The following IFT80 variants were observed in gnomAD, a reference collection of about 807,000 sequenced individuals.
IFT80 encodes the protein intraflagellar transport 80.
IFT80 carries 79 observed loss-of-function variants against 107.9 expected under a neutral mutation model. The observed-to-expected ratio is 0.73, with a 90% CI of 0.61 to 0.88. IFT80 has a LOEUF of 0.88. IFT80 is among the 40% of genes least tolerant of loss of function. The pLI is 0.00. For synonymous variants in IFT80, 299 were observed against 300.9 expected (o/e 0.99, Z 0.07); for missense variants, 797 against 914.2 (o/e 0.87, Z 1.65).
At chr3:160,268,227 C>A (rs1407041716) in intron 19 of IFT80, among the ~76,000 whole-genome samples, 186 bp downstream of exon 19, 2 of 151,992 alleles carry the variant, frequency 1.3e-5, no homozygotes, top group Non-Finnish European at 1.5e-5. Flanking sequence ...AATATGCCTG[C>A]AAGATTCCAG....
chr3:160,303,799 A>G, intron 11 of IFT80, 116 bp downstream of exon 11: 3 of 670,446 alleles, frequency 4.5e-6, no homozygotes, highest in Non-Finnish European at 8.1e-6. Context: ...TAAAATAGAA[A>G]CAGATTGGTT....
intron 8 of IFT80, among the ~76,000 whole-genome samples, chr3:160,347,588 C>T (rs1230501212): frequency 6.6e-6 from 1 of 152,164 alleles, no homozygotes; most frequent in East Asian, 1.9e-4. Flanking sequence ...TATCCAACAA[C>T]AATGGGTATA....
rs1053318521 is a variant in IFT80 at position 160,356,061 on chromosome 3, T to A, written c.729A>T (p.Leu243Phe). Residue 243 changes from leucine (L) to phenylalanine (F), a missense_variant, in exon 8 of 20, where the codon TTA becomes TTT. Leu to Phe is a conservative substitution (Grantham distance 22, BLOSUM62 0). Coordinates refer to ENST00000326448, the MANE Select transcript of IFT80 (RefSeq NM_020800.3). ...AAGTATGAAACGATCCAACAGCAAA[T>A]AATTCTCCATCTGGAGCCCAGGCAA... Reference protein sequence around the residue: ...TSVAWAPDGELFAVGSFHTLR... With the variant: ...TSVAWAPDGEFFAVGSFHTLR... 5.6e-6 allele frequency: 9 copies of A among 1,614,010 alleles called. No individual in the cohort carries two copies. The highest frequency in any genetic ancestry group is 7.6e-6 in the Non-Finnish European group (9 of 1,180,002).
chr3:160,336,791 C>G (rs775709055), intron 8 of IFT80, among the ~76,000 whole-genome samples: 10 of 152,114 alleles, frequency 6.6e-5, no homozygotes, highest in Non-Finnish European at 1.2e-4. Context: ...TATTTGCTCT[C>G]TCTCTTTTTC....
At chr3:160,323,967 A>G (rs974979723) in intron 8 of IFT80, among the ~76,000 whole-genome samples, 10 of 152,190 alleles carry the variant, frequency 6.6e-5, no homozygotes, top group Admixed American at 5.9e-4. Context: ...ATCCCACAGA[A>G]ATACAAACTA....
chr3:160,276,228 A>G lies in IFT80; in HGVS notation c.2099+1078T>C, dbSNP rs76618582. On this transcript the variant is annotated intron_variant, in intron 18 of 19. Coordinates refer to ENST00000326448, the MANE Select transcript of IFT80 (RefSeq NM_020800.3). ...TCATGATCCTTTGTACAGATAAACA[A>G]TGAATTTGTGTTAATAAGGGACAAA... is the stretch of plus-strand genomic sequence containing the variant. Among the ~76,000 whole-genome samples, 497 of 152,298 alleles carry G rather than the reference A, an allele frequency of 3.3e-3. 1 individual carries two copies. Among genetic ancestry groups the G allele is most frequent in the African/African-American group, 0.011 (465 of 41,572 alleles).
chr3:160,300,836 T>C (rs761280914), intron 12 of IFT80, 47 bp downstream of exon 12: 1 of 1,468,366 alleles, frequency 6.8e-7, no homozygotes, highest in African/African-American at 1.4e-5. Flanking sequence ...TTTTATAGTG[T>C]TAACAAATTT....
chr3:160,355,928 G>A (rs1721047652), intron 8 of IFT80, 85 bp downstream of exon 8: 4 of 1,469,954 alleles, frequency 2.7e-6, no homozygotes, highest in Non-Finnish European at 3.8e-6. Flanking sequence ...CATTGAAAAT[G>A]TTTTTTAAAG....
intron 8 of IFT80, among the ~76,000 whole-genome samples, chr3:160,355,119 T>C (rs1429253281): frequency 6.6e-6 from 1 of 152,208 alleles, no homozygotes; most frequent in Non-Finnish European, 1.5e-5. Flanking sequence ...AATGGGTAAA[T>C]GCTGCTGAGC....
chr3:160,274,402 C>T (rs900944808), intron 18 of IFT80: 3 of 152,116 alleles, frequency 2.0e-5, no homozygotes, highest in Non-Finnish European at 2.9e-5. Flanking sequence ...AATTTCCTCA[C>T]CTTCTTCTGT....
intron 13 of IFT80, among the ~76,000 whole-genome samples, chr3:160,284,794 T>C (rs1714965525): frequency 1.3e-5 from 2 of 152,260 alleles, no homozygotes; most frequent in Middle Eastern, 3.4e-3. Flanking sequence ...AAAGACAGTA[T>C]TATATGAAAA....
At chr3:160,339,113 T>C (rs1719702732) in intron 8 of IFT80, among the ~76,000 whole-genome samples, 1 of 152,156 alleles carries the variant, frequency 6.6e-6, no homozygotes, top group Non-Finnish European at 1.5e-5. Context: ...TTAATATGGG[T>C]GGTGGTTTCT....
At chr3:160,324,158 G>T (rs1408169936) in intron 8 of IFT80, among the ~76,000 whole-genome samples, 1 of 152,100 alleles carries the variant, frequency 6.6e-6, no homozygotes, top group African/African-American at 2.4e-5. Context: ...ACCAAAAGGA[G>T]TCCAGGACCA....
At position 160,381,570 on chromosome 3, in the gene IFT80, C is replaced by A. The variant is rs151263345; in HGVS notation, c.192G>T (p.Trp64Cys). 1.2e-5 allele frequency: 20 copies of A among 1,613,772 alleles called. No homozygotes were observed. In the African/African-American group the frequency reaches 1.6e-4, roughly 13 times the overall value. The change falls in exon 3 of 20, where the codon TGG becomes TGT. Residue 64 changes from tryptophan to cysteine, a missense_variant. Trp to Cys is a radical substitution (Grantham distance 215). Coordinates refer to ENST00000326448, the MANE Select transcript of IFT80 (RefSeq NM_020800.3). ...PDDIYPIDFH[W>C]FPKSLGVKKQ... ...TCTTTACACCCAAACTTTTTGGAAA[C>A]CAGTGAAAATCAATAGGGTAAATAT...
At chr3:160,299,190 A>G in intron 12 of IFT80, 1 of 1,082,162 alleles carries the variant, frequency 9.2e-7, no homozygotes, top group Non-Finnish European at 1.1e-6. Context: ...TGGATACTAT[A>G]TTATTCCATT....
chr3:160,280,598 A>G (rs1211777920), intron 15 of IFT80, 69 bp downstream of exon 15: 6 of 1,343,332 alleles, frequency 4.5e-6, no homozygotes, highest in Non-Finnish European at 5.3e-6. Flanking sequence ...TGAAAATAGA[A>G]GCCAAAACAT....
Position 160,346,580 on chromosome 3 carries a change from G to C in IFT80, c.777+9433C>G, listed in dbSNP as rs144692089. On this transcript the variant is annotated intron_variant, in intron 8 of 19. Coordinates refer to ENST00000326448, the MANE Select transcript of IFT80 (RefSeq NM_020800.3). ...CATAATGTGGTAACTCTGGAAATCA[G>C]AATCTCTCTCCAACAAGGCTTGCAT... Among the ~76,000 whole-genome samples, 10 of 152,212 alleles carry C rather than the reference G, an allele frequency of 6.6e-5. No homozygotes were observed. In the East Asian group the frequency reaches 1.9e-3, roughly 29 times the overall value.
intron 1 of IFT80, among the ~76,000 whole-genome samples, chr3:160,397,755 CTT>C (rs1317511948): frequency 3.2e-5 from 4 of 124,710 alleles, no homozygotes; most frequent in Non-Finnish European, 6.4e-5. Flanking sequence ...CAGTTTCGCT[CTT>C]GTTGCCCAGG....
intron 9 of IFT80, among the ~76,000 whole-genome samples, chr3:160,312,963 TATATAATATA>T (rs1429200912): frequency 1.6e-5 from 1 of 62,908 alleles, no homozygotes; most frequent in African/African-American, 7.5e-5. Context: ...TATATATAAA[TATATAATATA>T]TAATATATAA....
Sources: allele counts gnomAD v4.1 joint callset (sites outside exome capture counted in the v4.1 genomes callset), GRCh38; gene constraint gnomAD v4.1.1; transcripts MANE v1.5; gene names NCBI Gene and HGNC (gene_info 2026-07-23, HGNC 2026-07-21).